The following KCND3 variants were observed in gnomAD, a reference collection of about 807,000 sequenced individuals.
KCND3 encodes potassium voltage-gated channel subfamily D member 3.
A neutral mutation model predicts 51.1 loss-of-function variants in KCND3; 9 were observed. The observed-to-expected ratio is 0.18, with a 90% CI of 0.11 to 0.31. KCND3 has a LOEUF of 0.31. Among genes scored for constraint, KCND3 ranks in the 10% least tolerant of loss-of-function variants. The pLI, the probability that KCND3 is intolerant of heterozygous loss-of-function variation, is 1.00. For synonymous variants in KCND3, 349 were observed against 368.0 expected (o/e 0.95, Z 0.59); for missense variants, 526 against 903.8 (o/e 0.58, Z 5.36).
At chr1:111,790,880 ATGT>A (rs1664797633) in intron 2 of KCND3, among the ~76,000 whole-genome samples, 1 of 152,232 alleles carries the variant, frequency 6.6e-6, no homozygotes, top group South Asian at 2.1e-4. Context: ...AGGTTCACCC[ATGT>A]TGTAGAATGT....
At chr1:111,779,927 C>G (rs1477904892) in intron 5 of KCND3, among the ~76,000 whole-genome samples, 1 of 152,212 alleles carries the variant, frequency 6.6e-6, no homozygotes, top group Non-Finnish European at 1.5e-5. Context: ...AACTGATAGG[C>G]AGACCCCTAA....
chr1:111,901,220 C>CTGT (rs1267427653), intron 2 of KCND3, among the ~76,000 whole-genome samples: 1 of 144,198 alleles, frequency 6.9e-6, no homozygotes, highest in Non-Finnish European at 1.5e-5. Flanking sequence ...CTAGCAGCTG[C>CTGT]CCCTGGAGTC....
chr1:111,817,679 T>G (rs1166820425), intron 2 of KCND3, among the ~76,000 whole-genome samples: 1 of 152,216 alleles, frequency 6.6e-6, no homozygotes, highest in African/African-American at 2.4e-5. Context: ...AAAAAGATCA[T>G]GCCTCACATT....
At chr1:111,892,970 C>G (rs1444142209) in intron 2 of KCND3, among the ~76,000 whole-genome samples, 1 of 152,120 alleles carries the variant, frequency 6.6e-6, no homozygotes, top group Non-Finnish European at 1.5e-5. Context: ...TTTTGCTCAC[C>G]TTGGACTTGC....
chr1:111,811,656 A>G (rs1665856419), intron 2 of KCND3, among the ~76,000 whole-genome samples: 1 of 151,932 alleles, frequency 6.6e-6, no homozygotes, highest in African/African-American at 2.4e-5. Context: ...TAGGCCATGG[A>G]CTCTCTGCCT....
At chr1:111,814,646 C>T (rs1421625725) in intron 2 of KCND3, among the ~76,000 whole-genome samples, 1 of 152,218 alleles carries the variant, frequency 6.6e-6, no homozygotes, top group Non-Finnish European at 1.5e-5. Context: ...AAGCAGAGAC[C>T]TTATTACCAA....
chr1:111,950,078 TTTTTGTATTTTCAGTAGAG>T (rs1420284780), intron 2 of KCND3, among the ~76,000 whole-genome samples: 2 of 151,948 alleles, frequency 1.3e-5, no homozygotes, highest in Non-Finnish European at 2.9e-5. Context: ...ACCTGGCTCA[TTTTTGTATTTTCAGTAGAG>T]ACGGGGCTTC....
intron 2 of KCND3, among the ~76,000 whole-genome samples, chr1:111,792,630 C>T (rs475620): frequency 0.35 from 52,969 of 151,978 alleles, 11,340 homozygotes; most frequent in African/African-American, 0.61. Flanking sequence ...GCTGGGTGAC[C>T]TTGGCCATGA....
chr1:111,790,620 C>G (rs1664785670), intron 2 of KCND3, among the ~76,000 whole-genome samples: 1 of 152,208 alleles, frequency 6.6e-6, no homozygotes, highest in South Asian at 2.1e-4. Flanking sequence ...TTATGCATTT[C>G]AATGGTTTTT....
At chr1:111,854,085 C>A (rs1195834884) in intron 2 of KCND3, 1 of 152,140 alleles carries the variant, frequency 6.6e-6, no homozygotes, top group Non-Finnish European at 1.5e-5. Context: ...GAACATGGGG[C>A]CCCTCATGCT....
chr1:111,888,743 G>C (rs1027528333), intron 2 of KCND3, among the ~76,000 whole-genome samples: 2 of 151,094 alleles, frequency 1.3e-5, no homozygotes, highest in South Asian at 4.2e-4. Context: ...CCCAGGTACA[G>C]AGAAACCCAA....
chr1:111,828,721 T>A (rs1557962809), intron 2 of KCND3, among the ~76,000 whole-genome samples: 1 of 152,226 alleles, frequency 6.6e-6, no homozygotes, highest in Non-Finnish European at 1.5e-5. Flanking sequence ...TGCTCAGCTC[T>A]CTGTCCTTTT....
At chr1:111,909,649 C>G (rs1019509041) in intron 2 of KCND3, 2 of 152,208 alleles carry the variant, frequency 1.3e-5, no homozygotes, top group Non-Finnish European at 2.9e-5. Flanking sequence ...TCCTTCCCCC[C>G]ATTCCAGAAA....
At chr1:111,986,172 A>G (rs1281885851) in intron 1 of KCND3, among the ~76,000 whole-genome samples, 2 of 152,234 alleles carry the variant, frequency 1.3e-5, no homozygotes, top group Middle Eastern at 3.2e-3. Flanking sequence ...CTCTGTTCCA[A>G]TTCAGAGTTG....
intron 3 of KCND3, 50 bp downstream of exon 3, chr1:111,786,894 C>T (rs1420701320): frequency 6.2e-7 from 1 of 1,608,688 alleles, no homozygotes; most frequent in East Asian, 2.2e-5. Context: ...CTGACTGGTG[C>T]TCCCCCGCAT....
At position 111,776,245 on chromosome 1, in the gene KCND3, T is replaced by G; in HGVS notation, c.1800A>C (p.Gly600=). Residue 600 remains glycine (G), a synonymous_variant, in exon 8 of 8, where the codon GGA becomes GGC. Coordinates refer to ENST00000302127, the MANE Select transcript of KCND3 (RefSeq NM_001378969.1). ...GGGATGTTTTGCAGTTTGGTCTCAG[T>G]CCGTCGTCTGCTTTCAAATTAAGGC... is the stretch of plus-strand genomic sequence containing the variant. ...RSSLNLKADD[G]LRPNCKTSQI... The G allele has an allele frequency of 6.2e-7, 1 of 1,614,134 alleles. No individual in the cohort carries two copies. Among genetic ancestry groups the G allele is most frequent in the African/African-American group, 1.3e-5 (1 of 75,032 alleles).
intron 2 of KCND3, among the ~76,000 whole-genome samples, chr1:111,826,702 C>G (rs1266979573): frequency 1.3e-5 from 2 of 152,184 alleles, no homozygotes; most frequent in African/African-American, 4.8e-5. Context: ...TTCAATAGGA[C>G]AGTGGCGCCT....
intron 1 of KCND3, among the ~76,000 whole-genome samples, chr1:111,985,271 A>G (rs571267181): frequency 1.3e-5 from 2 of 152,352 alleles, no homozygotes; most frequent in South Asian, 4.2e-4. Flanking sequence ...TCCCACCGAC[A>G]ACCCTGAGGG....
At chr1:111,936,357 A>G (rs1330006214) in intron 2 of KCND3, among the ~76,000 whole-genome samples, 1 of 152,196 alleles carries the variant, frequency 6.6e-6, no homozygotes, top group African/African-American at 2.4e-5. Flanking sequence ...GAACAGATTA[A>G]AAATATGACA....
Sources: allele counts gnomAD v4.1 joint callset (sites outside exome capture counted in the v4.1 genomes callset), GRCh38; gene constraint gnomAD v4.1.1; transcripts MANE v1.5; gene names NCBI Gene and HGNC (gene_info 2026-07-23, HGNC 2026-07-21).